Variants in PDE4B observed in about 807,000 individuals in gnomAD.
PDE4B encodes the protein 3',5'-cyclic-AMP phosphodiesterase 4B.
Under a neutral mutation model 82.2 loss-of-function variants are expected in PDE4B, and 20 were observed. That is an observed-to-expected ratio of 0.24 (90% CI 0.17 to 0.35). PDE4B has a LOEUF of 0.35. Ranked by LOEUF, PDE4B falls within the 10% of genes least tolerant of loss-of-function variation. The pLI is 1.00. For synonymous variants in PDE4B, 320 were observed against 318.9 expected, an observed-to-expected ratio of 1.00 and a Z score of -0.04; for missense variants, 655 against 907.2, an observed-to-expected ratio of 0.72 and a Z score of 3.57.
intron 3 of PDE4B, among the ~76,000 whole-genome samples, chr1:66,126,390 T>C (rs1645823949): frequency 6.6e-6 from 1 of 152,204 alleles, no homozygotes; most frequent in Non-Finnish European, 1.5e-5. Context: ...AAGCTTTCAC[T>C]ATAGTATTTA....
chr1:66,368,405 C>G (rs116109803), intron 15 of PDE4B, among the ~76,000 whole-genome samples: 1,979 of 152,308 alleles, frequency 0.013, 50 homozygotes, highest in African/African-American at 0.046. Context: ...TTTGGATATA[C>G]AAATTGCCAT....
chr1:65,925,633 T>C (rs1324978119), intron 3 of PDE4B, among the ~76,000 whole-genome samples: 1 of 152,236 alleles, frequency 6.6e-6, no homozygotes, highest in Non-Finnish European at 1.5e-5. Context: ...TGCATTTGAC[T>C]TATTTATTGC....
At chr1:66,010,262 T>C (rs1410442031) in intron 3 of PDE4B, among the ~76,000 whole-genome samples, 3 of 151,838 alleles carry the variant, frequency 2.0e-5, no homozygotes, top group African/African-American at 4.8e-5. Flanking sequence ...TAAAAATAAC[T>C]ATTGCCTTTC....
chr1:65,832,478 G>A (rs7517475), intron 1 of PDE4B, among the ~76,000 whole-genome samples: 106,402 of 151,990 alleles, frequency 0.7, 38,688 homozygotes, highest in Non-Finnish European at 0.81. Context: ...TCTATGTGTC[G>A]AGCACAGAGC....
intron 3 of PDE4B, among the ~76,000 whole-genome samples, chr1:65,923,249 G>T (rs1647316435): frequency 6.6e-6 from 1 of 152,150 alleles, no homozygotes; most frequent in Non-Finnish European, 1.5e-5. Flanking sequence ...GTCTCTGAGG[G>T]ACTTCACTTT....
intron 9 of PDE4B, among the ~76,000 whole-genome samples, chr1:66,358,625 G>C (rs1244100010): frequency 7.1e-6 from 1 of 141,760 alleles, no homozygotes; most frequent in African/African-American, 2.6e-5. Flanking sequence ...AGTGAGCCAA[G>C]ATCACACCAT....
At chr1:66,207,038 A>G (rs1385205452) in intron 3 of PDE4B, among the ~76,000 whole-genome samples, 2 of 152,204 alleles carry the variant, frequency 1.3e-5, no homozygotes, top group African/African-American at 4.8e-5. Flanking sequence ...CTTGTACTGA[A>G]AGGAAATACT....
At chr1:65,969,826 C>T (rs1046493102) in intron 3 of PDE4B, among the ~76,000 whole-genome samples, 1 of 151,870 alleles carries the variant, frequency 6.6e-6, no homozygotes, top group African/African-American at 2.4e-5. Context: ...TTTTTAGACG[C>T]AGAGTTTTGC....
intron 1 of PDE4B, among the ~76,000 whole-genome samples, chr1:65,811,948 A>C (rs998456333): frequency 4.6e-5 from 7 of 152,152 alleles, no homozygotes; most frequent in African/African-American, 1.7e-4. Context: ...AATTAGGGGG[A>C]AAAAGTAAAG....
intron 3 of PDE4B, among the ~76,000 whole-genome samples, chr1:66,122,657 C>T (rs1330787375): frequency 6.7e-6 from 1 of 150,154 alleles, no homozygotes; most frequent in African/African-American, 2.4e-5. Context: ...TATAAGGAGT[C>T]AGAGGATCTT....
In PDE4B at chr1:65,885,087, G is replaced by A. The variant is rs184853402; in HGVS notation, c.-70-28158G>A. ...ACACTTCTCAAAAGAGGACATTTATGCAGCCAACAGACACATGAAAAAATG... is the reference window on the plus strand; with the variant it reads ...ACACTTCTCAAAAGAGGACATTTATACAGCCAACAGACACATGAAAAAATG... On this transcript the variant is annotated intron_variant, in intron 1 of 16. Coordinates refer to ENST00000341517, the MANE Select transcript of PDE4B (RefSeq NM_002600.4). Among the ~76,000 whole-genome samples the A allele has an allele frequency of 3.9e-5, 6 of 152,318 alleles. No individual in the cohort carries two copies. The East Asian group carries it at 1.2e-3, about 29-fold the overall frequency.
chr1:66,331,870 A>C, intron 7 of PDE4B: 1 of 985,756 alleles, frequency 1.0e-6, no homozygotes, highest in Non-Finnish European at 1.2e-6. Flanking sequence ...TAATTAAAGG[A>C]AAGATTTAAG....
chr1:65,877,184 G>T (rs746393737), intron 1 of PDE4B, among the ~76,000 whole-genome samples: 1 of 152,140 alleles, frequency 6.6e-6, no homozygotes, highest in Non-Finnish European at 1.5e-5. Context: ...AAACAGCATG[G>T]TACTGGTACC....
chr1:66,051,383 A>G (rs1158716708), intron 3 of PDE4B, among the ~76,000 whole-genome samples: 1 of 152,144 alleles, frequency 6.6e-6, no homozygotes, highest in Non-Finnish European at 1.5e-5. Context: ...TCAGTATAGG[A>G]GAGAACCAAA....
chr1:66,033,790 T>TTTTTG (rs1265078938), intron 3 of PDE4B, among the ~76,000 whole-genome samples: 1 of 151,766 alleles, frequency 6.6e-6, no homozygotes, highest in Non-Finnish European at 1.5e-5. Flanking sequence ...CTTTCTTTCT[T>TTTTTG]TTTTGTAATT....
intron 12 of PDE4B, among the ~76,000 whole-genome samples, chr1:66,365,331 A>G (rs1431499561): frequency 6.6e-6 from 1 of 152,160 alleles, no homozygotes; most frequent in Non-Finnish European, 1.5e-5. Context: ...TTTGACTTGT[A>G]TCTGCTTGTG....
intron 3 of PDE4B, among the ~76,000 whole-genome samples, chr1:65,941,019 T>C (rs2100546115): frequency 6.6e-6 from 1 of 152,142 alleles, no homozygotes; most frequent in East Asian, 1.9e-4. Flanking sequence ...GCTTCAGAAC[T>C]TTAAAAAATA....
At chr1:66,282,921 G>C (rs1335478738) in intron 7 of PDE4B, among the ~76,000 whole-genome samples, 1 of 152,060 alleles carries the variant, frequency 6.6e-6, no homozygotes, top group African/African-American at 2.4e-5. Flanking sequence ...CAAAACCTAG[G>C]CTTCTTCCAC....
intron 1 of PDE4B, among the ~76,000 whole-genome samples, chr1:65,815,627 GT>G (rs1487597751): frequency 6.6e-6 from 1 of 152,010 alleles, no homozygotes; most frequent in African/African-American, 2.4e-5. Context: ...TTAAAAAAAG[GT>G]TCATTGAGAA....
Sources: gnomAD v4.1 joint callset for allele counts (sites outside exome capture counted in the v4.1 genomes callset) on GRCh38, gnomAD v4.1.1 for gene constraint, MANE v1.5 for transcripts, NCBI Gene and HGNC (gene_info 2026-07-23, HGNC 2026-07-21) for gene names.